USP6NL: variants seen among roughly 807,000 people sequenced by gnomAD.
The protein encoded by USP6NL is USP6 N-terminal like, also known as USP6 N-terminal-like protein.
A neutral mutation model predicts 61.9 loss-of-function variants in USP6NL; 26 were observed. The ratio of observed to expected loss-of-function variants is 0.42; its 90% confidence interval spans 0.31 to 0.58. The LOEUF (loss-of-function observed/expected upper bound fraction) is 0.58. Ranked by LOEUF, USP6NL falls within the 20% of genes least tolerant of loss-of-function variation. USP6NL has a pLI of 0.16. For missense variants in USP6NL, 1,114 were observed against 1,034.3 expected (o/e 1.08, Z -1.06); for synonymous variants, 432 against 390.1 (o/e 1.11, Z -1.27).
intron 2 of USP6NL, chr10:11,573,572 G>T (rs1204380416): frequency 2.5e-6 from 1 of 398,630 alleles, no homozygotes; most frequent in Non-Finnish European, 4.4e-6. Flanking sequence ...TGAGTGCCCT[G>T]AAAGTGCTTG....
Position 11,462,312 on chromosome 10 carries a change from T to C in USP6NL, c.*129A>G. Reference sequence around the variant, plus strand: ...GGCTGAAGACATTTCCCTGTATTCTTACTACTAACAGACAGGAGAGATGTG... The same window carrying C: ...GGCTGAAGACATTTCCCTGTATTCTCACTACTAACAGACAGGAGAGATGTG... On this transcript the variant is annotated 3_prime_UTR_variant, in exon 15 of 15. Transcript: ENST00000609104. The C allele has an allele frequency of 9.0e-7, 1 of 1,114,768 alleles. No homozygotes were observed. The allele number at this position is 1,114,768 out of a possible 1,614,324, so 69.1% of individuals were successfully genotyped here.
At chr10:11,579,724 C>T (rs74865372) in intron 2 of USP6NL, among the ~76,000 whole-genome samples, 2,593 of 152,298 alleles carry the variant, frequency 0.017, 67 homozygotes, top group African/African-American at 0.058. Context: ...TAGCTATTCA[C>T]AAGTTATTTT....
chr10:11,555,453 G>T (rs868652566), intron 2 of USP6NL, among the ~76,000 whole-genome samples: 5,246 of 75,020 alleles, frequency 0.07, 186 homozygotes, highest in Non-Finnish European at 0.086. Flanking sequence ...TATATATATA[G>T]AGAGAGAGAG....
Position 11,520,457 on chromosome 10 carries a change from C to T in USP6NL, c.156-1883G>A, listed in dbSNP as rs980135850. On this transcript the variant is annotated intron_variant, in intron 4 of 14. Coordinates refer to ENST00000609104, the MANE Select transcript of USP6NL (RefSeq NM_014688.5). The surrounding 1 kb of genome is among the most constrained non-coding windows in gnomAD (Gnocchi z 5.2). Reference sequence around the variant, plus strand: ...TCACACCCTTCCGAGGATGACACTGCTGCTGCTTACCAAGAGCTCCCTGTA... The same window carrying T: ...TCACACCCTTCCGAGGATGACACTGTTGCTGCTTACCAAGAGCTCCCTGTA... 6.6e-6 allele frequency among the ~76,000 whole-genome samples: 1 copy of T among 152,206 alleles called. No homozygotes were observed. Among genetic ancestry groups the T allele is most frequent in the Non-Finnish European group, 1.5e-5 (1 of 68,032 alleles).
At position 11,562,762 on chromosome 10, in the gene USP6NL, T is replaced by A; in HGVS notation, c.4+34869A>T. Reference sequence around the variant, plus strand: ...AAACGTGGAATTCCACACAGTACAATCATAAGTGAATTGCCTAATTTCTCA... The same window carrying A: ...AAACGTGGAATTCCACACAGTACAAACATAAGTGAATTGCCTAATTTCTCA... On this transcript the variant is annotated intron_variant, in intron 2 of 14. Coordinates refer to ENST00000609104, the MANE Select transcript of USP6NL (RefSeq NM_014688.5). The surrounding 1 kb of genome is among the most constrained non-coding windows in gnomAD (Gnocchi z 4.8). The A allele has an allele frequency of 1.0e-6, 1 of 985,348 alleles. No individual in the cohort carries two copies. The highest frequency in any genetic ancestry group is 1.2e-6 in the Non-Finnish European group (1 of 829,832). 61.0% of individuals were successfully genotyped at this position (985,348 alleles called of 1,614,324 possible). A position where few individuals can be genotyped will look rare whatever the true frequency, so the allele number is the denominator to read the frequency against.
Position 11,463,164 on chromosome 10 carries a change from C to T in USP6NL, c.1764G>A (p.Lys588=). 8 of 1,613,854 alleles carry T rather than the reference C, an allele frequency of 5.0e-6. No individual in the cohort carries two copies. Among genetic ancestry groups the T allele is most frequent in the Non-Finnish European group, 6.8e-6 (8 of 1,179,874 alleles). ...ATGGACTAGAACTTGGCTCAGCGTG[C>T]TTTCTCGGGCTAGGAGGGTAAAGGG... ...RHALYPPSPR[K]HAEPSSSPSK... is the part of the protein sequence containing the mutation. The change falls in exon 15 of 15, where the codon AAG becomes AAA. Residue 588 remains lysine (K), a synonymous_variant. Coordinates refer to ENST00000609104, the MANE Select transcript of USP6NL (RefSeq NM_014688.5). The surrounding 1 kb of genome is among the most constrained non-coding windows in gnomAD (Gnocchi z 6.3).
chr10:11,603,038 G>A (rs1461845659), intron 1 of USP6NL, among the ~76,000 whole-genome samples: 1 of 152,154 alleles, frequency 6.6e-6, no homozygotes, highest in African/African-American at 2.4e-5. Context: ...TTCTGTCATT[G>A]CTAGAGAGAA....
At chr10:11,580,970 A>T (rs1337658095) in intron 2 of USP6NL, among the ~76,000 whole-genome samples, 1 of 152,158 alleles carries the variant, frequency 6.6e-6, no homozygotes, top group Non-Finnish European at 1.5e-5. Flanking sequence ...AAAGTACAAG[A>T]GTACTGGTAT....
At chr10:11,543,817 T>G (rs1377966583) in intron 2 of USP6NL, among the ~76,000 whole-genome samples, 4 of 129,282 alleles carry the variant, frequency 3.1e-5, no homozygotes, top group Non-Finnish European at 6.7e-5. Context: ...TTTTTTTTTT[T>G]TTTTTTTTTT....
Position 11,571,087 on chromosome 10 carries a change from C to CTT in USP6NL, c.4+26542_4+26543dup, listed in dbSNP as rs34320297. 3.4e-3 allele frequency among the ~76,000 whole-genome samples: 490 copies of CTT among 145,642 alleles called. 3 individuals are homozygous for CTT. Among genetic ancestry groups the CTT allele is most frequent in the Admixed American group, 7.0e-3 (103 of 14,648 alleles). Reference sequence around the variant, plus strand: ...ATTTCCCTCCCTCCCCAAAATAATTCTTTTTTTTTTTTTGAGACAAAGTTT... The same window carrying CTT: ...ATTTCCCTCCCTCCCCAAAATAATTCTTTTTTTTTTTTTTTGAGACAAAGTTT... On this transcript the variant is annotated intron_variant, in intron 2 of 14. Transcript: ENST00000609104.
chr10:11,514,067 A>G (rs1834847584), intron 5 of USP6NL, among the ~76,000 whole-genome samples: 1 of 152,234 alleles, frequency 6.6e-6, no homozygotes. Flanking sequence ...CTACAGTTTC[A>G]TCATTCAGTA....
At chr10:11,582,465 C>A (rs960257565) in intron 2 of USP6NL, among the ~76,000 whole-genome samples, 3 of 152,190 alleles carry the variant, frequency 2.0e-5, no homozygotes, top group Admixed American at 6.5e-5. Context: ...AAATCAACCT[C>A]TACAAACTTC....
At position 11,485,731 on chromosome 10, in the gene USP6NL, GGT is replaced by G; in HGVS notation, c.759+84_759+85del. ...AATGGATGACACTATAAATTAATAAGGTAATTGGACCAAAGACAATTTAATTA... is the reference window on the plus strand; with the variant it reads ...AATGGATGACACTATAAATTAATAAGAATTGGACCAAAGACAATTTAATTA... On this transcript the variant is annotated intron_variant, in intron 11 of 14. Coordinates refer to ENST00000609104, the MANE Select transcript of USP6NL (RefSeq NM_014688.5). This position sits in a 1 kb window ranked among gnomAD's most constrained non-coding sequence, Gnocchi z 4.8. 1 of 818,504 alleles carries G rather than the reference GGT, an allele frequency of 1.2e-6. No homozygotes were observed. Among genetic ancestry groups the G allele is most frequent in the East Asian group, 2.8e-5 (1 of 35,906 alleles). 50.7% of individuals were successfully genotyped at this position (818,504 alleles called of 1,614,324 possible).
chr10:11,536,021 T>A (rs1835818813), intron 2 of USP6NL, among the ~76,000 whole-genome samples: 1 of 152,100 alleles, frequency 6.6e-6, no homozygotes, highest in African/African-American at 2.4e-5. Context: ...CAGATTAACA[T>A]CAAAGCACAA....
At chr10:11,522,968 G>A (rs994342970) in intron 4 of USP6NL, among the ~76,000 whole-genome samples, 12 of 152,300 alleles carry the variant, frequency 7.9e-5, no homozygotes, top group African/African-American at 2.2e-4. Flanking sequence ...TCTGTGCTTC[G>A]GTTTCATCGC....
At chr10:11,471,653 A>T (rs75360599) in intron 14 of USP6NL, among the ~76,000 whole-genome samples, 1 of 152,208 alleles carries the variant, frequency 6.6e-6, no homozygotes, top group African/African-American at 2.4e-5. Flanking sequence ...GCCATAAAAA[A>T]TAATGAGTTC....
Position 11,575,994 on chromosome 10 carries a change from G to A in USP6NL, c.4+21637C>T, listed in dbSNP as rs1179990184. Reference sequence around the variant, plus strand: ...AGTTAATTTCCTAACTATGACCACTGCACTGTAGTTATGTAACAGAACATC... The same window carrying A: ...AGTTAATTTCCTAACTATGACCACTACACTGTAGTTATGTAACAGAACATC... On this transcript the variant is annotated intron_variant, in intron 2 of 14. Coordinates refer to ENST00000609104, the MANE Select transcript of USP6NL (RefSeq NM_014688.5). The surrounding 1 kb of genome is among the most constrained non-coding windows in gnomAD (Gnocchi z 4.2). 6.6e-6 allele frequency among the ~76,000 whole-genome samples: 1 copy of A among 151,762 alleles called. No individual in the cohort carries two copies. Among genetic ancestry groups the A allele is most frequent in the African/African-American group, 2.4e-5 (1 of 41,280 alleles).
Position 11,579,972 on chromosome 10 carries a change from G to A in USP6NL, c.4+17659C>T, listed in dbSNP as rs1041983237. 1.4e-4 allele frequency among the ~76,000 whole-genome samples: 20 copies of A among 143,634 alleles called. 1 individual carries two copies. Among genetic ancestry groups the A allele is most frequent in the Non-Finnish European group, 2.6e-4 (17 of 65,350 alleles). The allele number at this position is 143,634 out of a possible 152,430, so 94.2% of individuals were successfully genotyped here. On this transcript the variant is annotated intron_variant, in intron 2 of 14. Transcript: ENST00000609104. ...CACCAGTGGAGAGTGGCGGGGGGGG[G>A]GCAGCAACGTCTAAAGACACTTTTG...
intron 2 of USP6NL, among the ~76,000 whole-genome samples, chr10:11,530,416 G>C (rs1835609617): frequency 6.6e-6 from 1 of 152,130 alleles, no homozygotes. Flanking sequence ...AAAATATAAA[G>C]CTTTACATAG....
Sources: gnomAD v4.1 joint callset for allele counts (sites outside exome capture counted in the v4.1 genomes callset) on GRCh38, gnomAD v4.1.1 for gene constraint, Gnocchi (gnomAD v3.1) non-coding constraint, MANE v1.5 for transcripts, NCBI Gene and HGNC (gene_info 2026-07-23, HGNC 2026-07-21) for gene names.